CCZ1B: variants seen among roughly 807,000 people sequenced by gnomAD.
The protein encoded by CCZ1B is CCZ1B vacuolar protein trafficking and biogenesis associated.
A neutral mutation model predicts 58.8 loss-of-function variants in CCZ1B; 25 were observed. The observed-to-expected ratio is 0.43, with a 90% CI of 0.31 to 0.59. The LOEUF is 0.59. Among genes scored for constraint, CCZ1B ranks in the 20% least tolerant of loss-of-function variants. The pLI, the probability that CCZ1B is intolerant of heterozygous loss-of-function variation, is 0.12. For synonymous variants in CCZ1B, 66 were observed against 173.2 expected (o/e 0.38, Z 4.86); for missense variants, 180 against 501.5 (o/e 0.36, Z 6.12).
intron 4 of CCZ1B, 152 bp from the exon 5 acceptor site, chr7:6,823,512 G>C: frequency 1.3e-6 from 1 of 777,004 alleles, no homozygotes; most frequent in East Asian, 4.3e-5. Context: ...AAGTGTTTGC[G>C]TTCTTTTTTT....
intron 8 of CCZ1B, among the ~76,000 whole-genome samples, chr7:6,813,323 C>T (rs7383952): frequency 4.7e-5 from 7 of 149,258 alleles, no homozygotes; most frequent in Non-Finnish European, 7.4e-5. Context: ...AGGTGGCTCA[C>T]GCCTATAATC....
rs1782719375 is a variant in CCZ1B, at chr7:6,799,240, ATGT to A, written c.1430_1432del (p.Asn477del). 4 of 1,024,634 alleles carry A rather than the reference ATGT, an allele frequency of 3.9e-6. No individual in the cohort carries two copies. Among genetic ancestry groups the A allele is most frequent in the Non-Finnish European group, 3.8e-6 (3 of 797,710 alleles). 63.5% of individuals were successfully genotyped at this position (1,024,634 alleles called of 1,614,324 possible). The stretch of plus-strand genomic sequence containing the variant: ...CGTCATCCGTCAATCCAAGAAGAAG[ATGT>A]TGTTGAACTGCGTTGCACAAAGTTT... On this transcript the variant is annotated inframe_deletion, in exon 15 of 15. Coordinates refer to ENST00000316731, the MANE Select transcript of CCZ1B (RefSeq NM_198097.5).
At chr7:6,821,763 G>A in intron 6 of CCZ1B, among the ~76,000 whole-genome samples, 1 of 151,088 alleles carries the variant, frequency 6.6e-6, no homozygotes, top group Non-Finnish European at 1.5e-5. Context: ...AAGGTAGGGT[G>A]AAACATGCAA....
chr7:6,800,337 A>AAGAT (rs1385285803), intron 14 of CCZ1B, among the ~76,000 whole-genome samples: 4 of 137,544 alleles, frequency 2.9e-5, no homozygotes, highest in Non-Finnish European at 6.2e-5. Flanking sequence ...CTCCCTACAA[A>AAGAT]AGATATGTTT....
chr7:6,818,917 C>G (rs1296865156), intron 7 of CCZ1B, among the ~76,000 whole-genome samples: 1 of 148,060 alleles, frequency 6.8e-6, no homozygotes, highest in African/African-American at 2.6e-5. Context: ...AGGACACAAA[C>G]CTAGTTTCAC....
chr7:6,804,191 G>A (rs1357926073), intron 12 of CCZ1B, among the ~76,000 whole-genome samples: 1 of 144,326 alleles, frequency 6.9e-6, no homozygotes, highest in Non-Finnish European at 1.5e-5. Flanking sequence ...TTGGGAGGCT[G>A]AGGCAGGTGG....
intron 8 of CCZ1B, among the ~76,000 whole-genome samples, chr7:6,814,278 T>C (rs552050691): frequency 1.3e-5 from 2 of 149,800 alleles, no homozygotes; most frequent in South Asian, 4.2e-4. Flanking sequence ...GGCTCACGCC[T>C]GTAATCCTAG....
In CCZ1B at chr7:6,818,667, CAGAAAGAA is replaced by C. The variant is rs139349494; in HGVS notation, c.698+1091_698+1098del. Among the ~76,000 whole-genome samples the C allele has an allele frequency of 1.7e-3, 129 of 73,810 alleles. 7 individuals are homozygous for C. Among genetic ancestry groups the C allele is most frequent in the South Asian group, 6.2e-3 (10 of 1,610 alleles). The allele number at this position is 73,810 out of a possible 152,430, so 48.4% of individuals were successfully genotyped here. On this transcript the variant is annotated intron_variant, in intron 7 of 14. Transcript: ENST00000316731. ...AAAGAAAGACAGAAAGAAAGACAGA[CAGAAAGAA>C]AGAAAGAAAGAAAGAAAGACAAGAA... is the stretch of plus-strand genomic sequence containing the variant.
chr7:6,819,633 A>G lies in CCZ1B; in HGVS notation c.698+133T>C, dbSNP rs1783076079. 8.4e-6 allele frequency: 5 copies of G among 597,166 alleles called. 1 individual carries two copies. Among genetic ancestry groups the G allele is most frequent in the Admixed American group, 3.1e-5 (1 of 31,808 alleles). 37.0% of individuals were successfully genotyped at this position (597,166 alleles called of 1,614,324 possible). A position where few individuals can be genotyped will look rare whatever the true frequency, so the allele number is the denominator to read the frequency against. ...AAATAATCACTGCTTTATTTTGACA[A>G]TATCTATGAAGATGCTTCCTACCCA... On this transcript the variant is annotated intron_variant, in intron 7 of 14. Coordinates refer to ENST00000316731, the MANE Select transcript of CCZ1B (RefSeq NM_198097.5).
intron 1 of CCZ1B, among the ~76,000 whole-genome samples, chr7:6,825,734 T>G (rs1468652763): frequency 2.0e-4 from 26 of 127,634 alleles, no homozygotes; most frequent in African/African-American, 8.1e-4. Context: ...CTTGCATCAT[T>G]TGAAGGCTAG....
chr7:6,820,332 C>T (rs1442691371), intron 6 of CCZ1B, among the ~76,000 whole-genome samples: 2 of 149,242 alleles, frequency 1.3e-5, no homozygotes, highest in African/African-American at 2.5e-5. Context: ...GCGCCTGCCA[C>T]CATGCCCAGC....
chr7:6,816,443 T>C (rs1419990003), intron 7 of CCZ1B, among the ~76,000 whole-genome samples: 1 of 148,488 alleles, frequency 6.7e-6, no homozygotes, highest in Non-Finnish European at 1.5e-5. Context: ...ATCACACCAC[T>C]GCACTCTAGC....
chr7:6,800,228 A>G (rs2115105061), intron 14 of CCZ1B, among the ~76,000 whole-genome samples: 1 of 135,198 alleles, frequency 7.4e-6, no homozygotes, highest in South Asian at 2.9e-4. Flanking sequence ...GCAGTGGGCA[A>G]GGCTGGCCGC....
At chr7:6,815,226 T>A (rs183303499) in intron 7 of CCZ1B, among the ~76,000 whole-genome samples, 1,756 of 146,752 alleles carry the variant, frequency 0.012, 111 homozygotes, top group African/African-American at 0.043. Context: ...GAAGCAGTGG[T>A]GCGATCATGG....
At chr7:6,814,151 A>G (rs1408685605) in intron 8 of CCZ1B, among the ~76,000 whole-genome samples, 1 of 148,532 alleles carries the variant, frequency 6.7e-6, no homozygotes, top group Non-Finnish European at 1.5e-5. Flanking sequence ...TGTCCCAATA[A>G]ATAAATAAAT....
chr7:6,814,727 TG>T, intron 8 of CCZ1B, 36 bp downstream of exon 8: 1 of 1,564,176 alleles, frequency 6.4e-7, no homozygotes, highest in Non-Finnish European at 8.7e-7. Context: ...TCTGTGCCCC[TG>T]CATGTAATTG....
intron 7 of CCZ1B, 146 bp from the exon 8 acceptor site, chr7:6,814,991 C>T (rs1303184875): frequency 1.9e-6 from 1 of 536,496 alleles, no homozygotes; most frequent in Non-Finnish European, 3.2e-6. Flanking sequence ...AAGTTTAAAG[C>T]TACTTAAAAC....
chr7:6,815,892 C>T (rs1782992201), intron 7 of CCZ1B, among the ~76,000 whole-genome samples: 1 of 146,046 alleles, frequency 6.8e-6, no homozygotes, highest in East Asian at 1.9e-4. Context: ...ATGGTAATGC[C>T]ACATTCTCTC....
intron 6 of CCZ1B, among the ~76,000 whole-genome samples, chr7:6,821,830 C>A (rs542957603): frequency 1.3e-5 from 2 of 150,484 alleles, no homozygotes; most frequent in East Asian, 3.9e-4. Flanking sequence ...AATCGCTAAT[C>A]TGACAAAGTC....
Sources: allele counts gnomAD v4.1 joint callset (sites outside exome capture counted in the v4.1 genomes callset), GRCh38; gene constraint gnomAD v4.1.1; transcripts MANE v1.5; gene names NCBI Gene and HGNC (gene_info 2026-07-23, HGNC 2026-07-21).